LEPR: variants seen among roughly 807,000 people sequenced by gnomAD.
LEPR encodes OB receptor.
In LEPR, 56 loss-of-function variants were observed where a neutral mutation model predicts 114.7. The observed-to-expected ratio is 0.49, with a 90% CI of 0.39 to 0.61. LEPR has a LOEUF of 0.61. Among genes scored for constraint, LEPR ranks in the 20% least tolerant of loss-of-function variants. The probability of loss-of-function intolerance (pLI) is 0.00; values close to 1 mark genes in which losing one functional copy is unlikely to be tolerated. For missense variants in LEPR, 1,202 were observed against 1,352.9 expected (o/e 0.89, Z 1.75); for synonymous variants, 443 against 461.4 (o/e 0.96, Z 0.51).
intron 2 of LEPR, chr1:65,432,908 A>G: frequency 7.6e-6 from 7 of 919,188 alleles, no homozygotes; most frequent in Non-Finnish European, 7.8e-6. Context: ...ATTGTACCCT[A>G]TAAAAATATA....
chr1:65,511,533 T>A (rs1336264115), intron 2 of LEPR, among the ~76,000 whole-genome samples: 4 of 152,098 alleles, frequency 2.6e-5, no homozygotes, highest in African/African-American at 4.8e-5. Flanking sequence ...ATTCATTAAT[T>A]CATCTGTGTA....
chr1:65,456,256 G>A (rs1030849864), intron 2 of LEPR, among the ~76,000 whole-genome samples: 22 of 152,118 alleles, frequency 1.4e-4, no homozygotes, highest in African/African-American at 3.6e-4. Context: ...CGTGGCTCAC[G>A]CTGGGAGCTG....
chr1:65,473,333 A>C (rs1283060544), intron 2 of LEPR, among the ~76,000 whole-genome samples: 1 of 152,192 alleles, frequency 6.6e-6, no homozygotes, highest in Non-Finnish European at 1.5e-5. Flanking sequence ...AAATTTCTAT[A>C]TGTGAAGGCA....
intron 2 of LEPR, among the ~76,000 whole-genome samples, chr1:65,506,094 G>A (rs1045806158): frequency 2.0e-5 from 3 of 152,106 alleles, no homozygotes; most frequent in African/African-American, 7.2e-5. Context: ...TTTCAAAACT[G>A]GAGTCTGGGA....
chr1:65,575,974 C>A (rs540404705), intron 5 of LEPR, among the ~76,000 whole-genome samples: 2 of 151,540 alleles, frequency 1.3e-5, no homozygotes, highest in South Asian at 4.2e-4. Flanking sequence ...CATTCCCAGG[C>A]ATCTCCAGGA....
intron 5 of LEPR, among the ~76,000 whole-genome samples, chr1:65,587,863 GGA>G (rs1655418094): frequency 6.6e-6 from 1 of 151,892 alleles, no homozygotes; most frequent in Admixed American, 6.6e-5. Context: ...TTTTATATCT[GGA>G]TGCTCATATA....
chr1:65,539,113 A>G (rs1650992812), intron 2 of LEPR, among the ~76,000 whole-genome samples: 1 of 84,050 alleles, frequency 1.2e-5, no homozygotes. Context: ...ATTTTTTTTA[A>G]AACCATTGAA....
intron 2 of LEPR, among the ~76,000 whole-genome samples, chr1:65,492,500 C>G (rs1570553213): frequency 6.6e-6 from 1 of 152,064 alleles, no homozygotes. Flanking sequence ...TCTTCTTACT[C>G]AAGTCACTGA....
chr1:65,614,557 T>C (rs111755343), intron 14 of LEPR, among the ~76,000 whole-genome samples: 4 of 152,172 alleles, frequency 2.6e-5, no homozygotes, highest in Non-Finnish European at 5.9e-5. Flanking sequence ...GGCTATGGGC[T>C]AACAATTATG....
At chr1:65,584,943 A>G (rs1287616360) in intron 5 of LEPR, among the ~76,000 whole-genome samples, 1 of 151,964 alleles carries the variant, frequency 6.6e-6, no homozygotes, top group Non-Finnish European at 1.5e-5. Flanking sequence ...TTCCTCCTTG[A>G]TAAGATTTAT....
chr1:65,476,746 T>G (rs1647164326), intron 2 of LEPR, among the ~76,000 whole-genome samples: 1 of 152,192 alleles, frequency 6.6e-6, no homozygotes, highest in African/African-American at 2.4e-5. Context: ...TATTTACATA[T>G]AATTCTTCAG....
intron 2 of LEPR, among the ~76,000 whole-genome samples, chr1:65,502,135 A>C (rs927948168): frequency 1.1e-4 from 16 of 152,262 alleles, no homozygotes; most frequent in African/African-American, 3.1e-4. Flanking sequence ...GTACATCAGA[A>C]GGTAACTGTA....
At chr1:65,438,134 T>C (rs971154236) in intron 2 of LEPR, among the ~76,000 whole-genome samples, 8 of 149,478 alleles carry the variant, frequency 5.4e-5, no homozygotes, top group Non-Finnish European at 7.4e-5. Flanking sequence ...TTTTTTTTTT[T>C]CAAAAAATAT....
At chr1:65,572,007 T>A (rs1324033181) in intron 4 of LEPR, among the ~76,000 whole-genome samples, 1 of 142,024 alleles carries the variant, frequency 7.0e-6, no homozygotes, top group African/African-American at 2.6e-5. Context: ...AAAAGAAAAG[T>A]GAGAACTGAG....
intron 2 of LEPR, among the ~76,000 whole-genome samples, chr1:65,485,039 G>A (rs1423413540): frequency 2.0e-5 from 3 of 152,150 alleles, no homozygotes; most frequent in Non-Finnish European, 4.4e-5. Flanking sequence ...AAAGATGCCA[G>A]GCAGAGAGAA....
chr1:65,493,311 A>G (rs188033239), intron 2 of LEPR, among the ~76,000 whole-genome samples: 51 of 151,800 alleles, frequency 3.4e-4, no homozygotes, highest in African/African-American at 1.2e-3. Flanking sequence ...TGGTTTTCCT[A>G]CTTGTTCTCT....
chr1:65,535,537 G>T (rs1044101463), intron 2 of LEPR, among the ~76,000 whole-genome samples: 1 of 151,770 alleles, frequency 6.6e-6, no homozygotes, highest in Non-Finnish European at 1.5e-5. Flanking sequence ...TTTTAGTAGG[G>T]ACGAAGTCTT....
chr1:65,507,523 G>GTA (rs574727428), intron 2 of LEPR, among the ~76,000 whole-genome samples: 15 of 105,614 alleles, frequency 1.4e-4, no homozygotes, highest in African/African-American at 4.1e-4. Flanking sequence ...ATATATATGT[G>GTA]TATATATATG....
intron 2 of LEPR, chr1:65,526,238 G>GA (rs1649958590): frequency 6.1e-6 from 6 of 985,400 alleles, no homozygotes; most frequent in Non-Finnish European, 6.0e-6. Context: ...AATGACAAGA[G>GA]AAAAAATAAT....
Sources: allele counts gnomAD v4.1 joint callset (sites outside exome capture counted in the v4.1 genomes callset), GRCh38; gene constraint gnomAD v4.1.1; transcripts MANE v1.5; gene names NCBI Gene and HGNC (gene_info 2026-07-23, HGNC 2026-07-21).